RTTN: variants seen among roughly 807,000 people sequenced by gnomAD.
RTTN encodes rotatin.
A neutral mutation model predicts 269.2 loss-of-function variants in RTTN; 182 were observed. The observed-to-expected ratio is 0.68, with a 90% CI of 0.60 to 0.76. The LOEUF (loss-of-function observed/expected upper bound fraction) is 0.76, where lower values mean the gene tolerates loss of function less well. Ranked by LOEUF, RTTN falls within the 30% of genes least tolerant of loss-of-function variation. The pLI is 0.00. For missense variants in RTTN, 2,545 were observed against 2,608.6 expected (o/e 0.98, Z 0.53); for synonymous variants, 1,006 against 963.5 (o/e 1.04, Z -0.82).
chr18:70,051,189 A>C (rs1054079754), intron 39 of RTTN, among the ~76,000 whole-genome samples: 2 of 152,192 alleles, frequency 1.3e-5, no homozygotes, highest in Non-Finnish European at 2.9e-5. Flanking sequence ...GGCTTTCCTA[A>C]CTCGCTTTTA....
chr18:70,088,250 TTG>T, intron 30 of RTTN, 103 bp from the exon 31 acceptor site: 1 of 1,095,036 alleles, frequency 9.1e-7, no homozygotes, highest in Non-Finnish European at 1.3e-6. Context: ...AAAAAATCCA[TTG>T]GTTTTATGAT....
chr18:70,103,787 TA>T (rs1163226759), intron 28 of RTTN, among the ~76,000 whole-genome samples: 25 of 137,084 alleles, frequency 1.8e-4, no homozygotes, highest in South Asian at 7.3e-4. Context: ...AAGCAAATCA[TA>T]AAAAAAAAAG....
At chr18:70,034,457 C>T (rs972803600) in intron 40 of RTTN, among the ~76,000 whole-genome samples, 2 of 152,108 alleles carry the variant, frequency 1.3e-5, no homozygotes, top group African/African-American at 4.8e-5. Context: ...AAAAATAACA[C>T]GATTATCTCA....
intron 25 of RTTN, among the ~76,000 whole-genome samples, chr18:70,125,474 G>C (rs573713916): frequency 6.6e-6 from 1 of 151,734 alleles, no homozygotes; most frequent in East Asian, 1.9e-4. Flanking sequence ...ACATTCATTT[G>C]GATATATCAT....
chr18:70,081,728 T>C (rs2058573736), intron 32 of RTTN, among the ~76,000 whole-genome samples: 1 of 152,216 alleles, frequency 6.6e-6, no homozygotes, highest in Non-Finnish European at 1.5e-5. Context: ...AAGACAAGTA[T>C]ATGCAATGTG....
intron 23 of RTTN, among the ~76,000 whole-genome samples, chr18:70,133,624 A>T (rs2060051394): frequency 6.6e-6 from 1 of 152,052 alleles, no homozygotes; most frequent in Non-Finnish European, 1.5e-5. Flanking sequence ...AAAGCAATAT[A>T]ATAATGCACT....
chr18:70,183,586 C>G (rs938702036), intron 10 of RTTN, among the ~76,000 whole-genome samples: 19 of 152,124 alleles, frequency 1.2e-4, no homozygotes, highest in African/African-American at 3.6e-4. Flanking sequence ...GGTTTCTCAA[C>G]CTTAACACTT....
intron 17 of RTTN, among the ~76,000 whole-genome samples, chr18:70,146,634 T>C (rs2060400310): frequency 6.6e-6 from 1 of 152,212 alleles, no homozygotes; most frequent in South Asian, 2.1e-4. Flanking sequence ...GCCTGCCACC[T>C]TGAGCCCCTG....
At chr18:70,117,646 G>A (rs886491614) in intron 26 of RTTN, among the ~76,000 whole-genome samples, 1 of 151,914 alleles carries the variant, frequency 6.6e-6, no homozygotes, top group African/African-American at 2.4e-5. Flanking sequence ...GAGTCTTGTA[G>A]GAATTTAATT....
chr18:70,195,115 T>C (rs1473110138), intron 7 of RTTN, among the ~76,000 whole-genome samples: 3 of 152,210 alleles, frequency 2.0e-5, no homozygotes, highest in African/African-American at 4.8e-5. Context: ...GGCCCCTAAC[T>C]ACCTCTCTGA....
At chr18:70,139,851 C>T in intron 20 of RTTN, 135 bp from the exon 21 acceptor site, 1 of 647,084 alleles carries the variant, frequency 1.5e-6, no homozygotes, top group South Asian at 2.1e-5. Flanking sequence ...TAAATAAATA[C>T]TAGGAATTAC....
chr18:70,205,198 A>G lies in RTTN; in HGVS notation c.149T>C (p.Leu50Pro). The change falls in exon 2 of 49, where the codon CTG becomes CCG. Residue 50 changes from leucine to proline, a missense_variant. Transcript: ENST00000640769. ...IQERQLFLHL[L>P]EWFNFPSVPM... Reference sequence around the variant, plus strand: ...AACGGACGGGAAATTGAACCATTCCAGCAAATGAAGAAAAAGTTGCCTCTC... The same window carrying G: ...AACGGACGGGAAATTGAACCATTCCGGCAAATGAAGAAAAAGTTGCCTCTC... 1 of 1,614,242 alleles carries G rather than the reference A, an allele frequency of 6.2e-7. No individual in the cohort carries two copies. The highest frequency in any genetic ancestry group is 8.5e-7 in the Non-Finnish European group (1 of 1,180,050).
At chr18:70,175,474 A>G (rs981730174) in intron 11 of RTTN, among the ~76,000 whole-genome samples, 2 of 152,192 alleles carry the variant, frequency 1.3e-5, no homozygotes, top group Non-Finnish European at 2.9e-5. Flanking sequence ...CAAGTTACCA[A>G]ATATTAACTA....
intron 9 of RTTN, 55 bp downstream of exon 9, chr18:70,190,482 CG>C: frequency 1.4e-6 from 2 of 1,382,958 alleles, no homozygotes; most frequent in Non-Finnish European, 2.0e-6. Context: ...AAAATCCTAA[CG>C]AAATACAAAA....
intron 26 of RTTN, among the ~76,000 whole-genome samples, chr18:70,119,417 G>A (rs1173580299): frequency 6.6e-6 from 1 of 151,694 alleles, no homozygotes; most frequent in South Asian, 2.1e-4. Context: ...ATGAAATCAC[G>A]CTCCAAGGAA....
intron 33 of RTTN, among the ~76,000 whole-genome samples, chr18:70,074,303 A>G (rs2058373428): frequency 6.6e-6 from 1 of 152,104 alleles, no homozygotes; most frequent in Admixed American, 6.6e-5. Context: ...GAAGATGCCA[A>G]TGCTGTTAGT....
intron 39 of RTTN, among the ~76,000 whole-genome samples, chr18:70,050,147 T>C (rs990123238): frequency 1.3e-5 from 2 of 151,862 alleles, no homozygotes; most frequent in African/African-American, 4.8e-5. Flanking sequence ...ACCTACACAA[T>C]GGGAGAAAAT....
chr18:70,196,894 G>A (rs948646224), intron 6 of RTTN, among the ~76,000 whole-genome samples: 2 of 152,166 alleles, frequency 1.3e-5, no homozygotes, highest in Admixed American at 1.3e-4. Context: ...TCTAAAATCT[G>A]TTAGTTGAGT....
At chr18:70,054,870 A>G (rs781502555) in intron 37 of RTTN, among the ~76,000 whole-genome samples, 7 of 152,152 alleles carry the variant, frequency 4.6e-5, no homozygotes, top group Non-Finnish European at 8.8e-5. Flanking sequence ...TATGAAATCA[A>G]TATTATGGAA....
Sources: gnomAD v4.1 joint callset for allele counts (sites outside exome capture counted in the v4.1 genomes callset) on GRCh38, gnomAD v4.1.1 for gene constraint, MANE v1.5 for transcripts, NCBI Gene and HGNC (gene_info 2026-07-23, HGNC 2026-07-21) for gene names.